Variants in UBA5 observed in about 807,000 individuals in gnomAD.
UBA5 encodes the protein ubiquitin like modifier activating enzyme 5.
UBA5 carries 28 observed loss-of-function variants against 52.9 expected under a neutral mutation model. The ratio of observed to expected loss-of-function variants is 0.53; its 90% CI spans 0.39 to 0.73. The LOEUF is 0.73. Among genes scored for constraint, UBA5 ranks in the 30% least tolerant of loss-of-function variants. The probability of loss-of-function intolerance (pLI) is 0.00; values close to 1 mark genes in which losing one functional copy is unlikely to be tolerated. For missense variants in UBA5, 388 were observed against 492.7 expected, an observed-to-expected ratio of 0.79 and a Z score of 2.01; for synonymous variants, 135 against 162.1, an observed-to-expected ratio of 0.83 and a Z score of 1.27.
Position 132,660,446 on chromosome 3 carries a change from C to G in UBA5, c.-92C>G. On this transcript the variant is annotated 5_prime_UTR_variant, in exon 1 of 12. Coordinates refer to ENST00000356232, the MANE Select transcript of UBA5 (RefSeq NM_024818.6). The surrounding 1 kb of genome is among the most constrained non-coding windows in gnomAD (Gnocchi z 4.1). ...AGGAAGGCAGCGGCGAGGTGCCTCC[C>G]CACGTACCCCTCGCGGGCCCAGCCG... 1 of 1,492,084 alleles carries G rather than the reference C, an allele frequency of 6.7e-7. No individual in the cohort carries two copies. Among genetic ancestry groups the G allele is most frequent in the Non-Finnish European group, 9.0e-7 (1 of 1,112,444 alleles). The allele number at this position is 1,492,084 out of a possible 1,614,324, so 92.4% of individuals were successfully genotyped here.
upstream of UBA5, among the ~76,000 whole-genome samples, chr3:132,658,907 T>C (rs907932516): frequency 1.3e-5 from 2 of 152,320 alleles, no homozygotes; most frequent in Admixed American, 1.3e-4. Context: ...AGTGTTTATG[T>C]AACATATTTA....
chr3:132,670,084 G>C, intron 4 of UBA5, 114 bp from the exon 5 acceptor site: 1 of 617,840 alleles, frequency 1.6e-6, no homozygotes, highest in South Asian at 2.0e-5. Context: ...GGTGCAGTGG[G>C]TGCGATGATA....
Position 132,676,498 on chromosome 3 carries a change from A to G in UBA5, c.1187A>G (p.Asp396Gly), listed in dbSNP as rs765529135. 2.5e-6 allele frequency: 4 copies of G among 1,610,658 alleles called. No homozygotes were observed. In the African/African-American group the frequency reaches 5.4e-5, roughly 22 times the overall value. ...TVEDSGESLE[D>G]LMAKMKNM ...GAAGATTCTGGTGAAAGCTTGGAAGACCTCATGGCCAAAATGAAGAATATG... is the reference window on the plus strand; with the variant it reads ...GAAGATTCTGGTGAAAGCTTGGAAGGCCTCATGGCCAAAATGAAGAATATG... Residue 396 changes from aspartate (D) to glycine (G), a missense_variant, in exon 12 of 12, where the codon GAC becomes GGC. Transcript: ENST00000356232. This position sits in a 1 kb window ranked among gnomAD's most constrained non-coding sequence, Gnocchi z 4.1.
At chr3:132,662,436 G>C (rs962782001) in intron 1 of UBA5, among the ~76,000 whole-genome samples, 2 of 152,170 alleles carry the variant, frequency 1.3e-5, no homozygotes, top group Non-Finnish European at 2.9e-5. Context: ...TACCAGATGA[G>C]TGTGAGATAA....
In UBA5 at chr3:132,672,101, C is replaced by A. The variant is rs540839115; in HGVS notation, c.736C>A (p.Arg246=). 29 of 1,613,834 alleles carry A rather than the reference C, an allele frequency of 1.8e-5. No individual in the cohort carries two copies. The Middle Eastern group carries it at 9.9e-4, about 55-fold the overall frequency. ...AAATATTGATGAAAAGACTCTGAAA[C>A]GAGAAGGTGTTTGTGCAGCCAGTCT... ...AANIDEKTLK[R]EGVCAASLPT... Residue 246 remains arginine (R), a synonymous_variant, in exon 8 of 12, where the codon CGA becomes AGA. Transcript: ENST00000356232.
chr3:132,660,886 T>G lies in UBA5; in HGVS notation c.161+188T>G. On this transcript the variant is annotated intron_variant, in intron 1 of 11. Transcript: ENST00000356232. This position sits in a 1 kb window ranked among gnomAD's most constrained non-coding sequence, Gnocchi z 4.1. ...ATCGGAAGATATTCTTTCTCTTTTTTAAAAACCTCCAGTGAGTCAGCCATA... is the reference window on the plus strand; with the variant it reads ...ATCGGAAGATATTCTTTCTCTTTTTGAAAAACCTCCAGTGAGTCAGCCATA... 6.9e-7 allele frequency: 1 copy of G among 1,443,190 alleles called. No homozygotes were observed. The highest frequency in any genetic ancestry group is 2.7e-5 in the Admixed American group (1 of 36,738). The allele number at this position is 1,443,190 out of a possible 1,614,324, so 89.4% of individuals were successfully genotyped here.
intron 1 of UBA5, among the ~76,000 whole-genome samples, chr3:132,662,001 T>A (rs1331333690): frequency 6.6e-6 from 1 of 152,212 alleles, no homozygotes; most frequent in African/African-American, 2.4e-5. Context: ...TAAAACATTT[T>A]AAAATTTTAC....
Position 132,660,756 on chromosome 3 carries a change from T to C in UBA5, c.161+58T>C. The stretch of plus-strand genomic sequence containing the variant: ...GGGGACGAGGTCAGGCTCCGTGAGG[T>C]CAGAAGTGAGGCGCTTCCCACGTCC... On this transcript the variant is annotated intron_variant, in intron 1 of 11. Coordinates refer to ENST00000356232, the MANE Select transcript of UBA5 (RefSeq NM_024818.6). This position sits in a 1 kb window ranked among gnomAD's most constrained non-coding sequence, Gnocchi z 4.1. The C allele has an allele frequency of 1.4e-6, 2 of 1,469,046 alleles. No individual in the cohort carries two copies. Among genetic ancestry groups the C allele is most frequent in the African/African-American group, 1.4e-5 (1 of 70,706 alleles). The allele number at this position is 1,469,046 out of a possible 1,614,324, so 91.0% of individuals were successfully genotyped here. A position where few individuals can be genotyped will look rare whatever the true frequency, so the allele number is the denominator to read the frequency against.
In UBA5 at chr3:132,672,477, T is replaced by C. The variant is rs369414789; in HGVS notation, c.812+300T>C. 3.3e-5 allele frequency among the ~76,000 whole-genome samples: 5 copies of C among 152,268 alleles called. No homozygotes were observed. In the East Asian group the frequency reaches 5.8e-4, roughly 18 times the overall value. On this transcript the variant is annotated intron_variant, in intron 8 of 11. Transcript: ENST00000356232. ...TGCATTTGGAATAGCTTTTATTAAATGATACAATGGTAGTGGCATATTTAT... is the reference window on the plus strand; with the variant it reads ...TGCATTTGGAATAGCTTTTATTAAACGATACAATGGTAGTGGCATATTTAT...
At chr3:132,659,829 C>A, upstream of UBA5, 1 of 1,484,782 alleles carries the variant, frequency 6.7e-7, no homozygotes, top group Non-Finnish European at 8.9e-7. Context: ...GGGCAACGTC[C>A]CCTCTAGAGC....
chr3:132,659,704 G>A (rs766635597), upstream of UBA5: 18 of 1,610,472 alleles, frequency 1.1e-5, no homozygotes, highest in Non-Finnish European at 1.4e-5. Flanking sequence ...ACTTGTGCTG[G>A]GGCAGCACTT....
chr3:132,668,969 T>C, intron 4 of UBA5, 42 bp downstream of exon 4: 1 of 1,308,444 alleles, frequency 7.6e-7, no homozygotes, highest in Non-Finnish European at 1.1e-6. Context: ...AGTGAAATCT[T>C]ACTTTATGTA....
intron 3 of UBA5, chr3:132,667,592 T>C (rs530240195): frequency 2.0e-5 from 3 of 152,324 alleles, no homozygotes; most frequent in Admixed American, 6.5e-5. Context: ...AAGTAGAAGA[T>C]GTTAGGAAAC....
chr3:132,675,865 C>T lies in UBA5; in HGVS notation c.1073C>T (p.Ser358Leu). 1 of 1,611,634 alleles carries T rather than the reference C, an allele frequency of 6.2e-7. No homozygotes were observed. The highest frequency in any genetic ancestry group is 2.2e-5 in the East Asian group (1 of 44,746). ...EVSEEELKNF[S>L]GPVPDLPEGI... ...TCAGAAGAGGAACTGAAAAATTTTT[C>T]AGGTCCAGTTCCAGACTTACCTGAA... Residue 358 changes from serine to leucine, a missense_variant, in exon 11 of 12, where the codon TCA becomes TTA. By Grantham distance (145) the Ser-to-Leu change is moderately radical (BLOSUM62 -2). Coordinates refer to ENST00000356232, the MANE Select transcript of UBA5 (RefSeq NM_024818.6).
At chr3:132,668,590 C>A in intron 3 of UBA5, 1 of 290,832 alleles carries the variant, frequency 3.4e-6, no homozygotes, top group South Asian at 8.1e-5. Context: ...AGATGAGTGG[C>A]CTTTGGACAA....
Position 132,679,187 on chromosome 3 carries a change from G to C in UBA5, c.*2661G>C, listed in dbSNP as rs1048966717. 1.3e-5 allele frequency among the ~76,000 whole-genome samples: 2 copies of C among 151,942 alleles called. No individual in the cohort carries two copies. Among genetic ancestry groups the C allele is most frequent in the Admixed American group, 6.5e-5 (1 of 15,268 alleles). ...GGAGGCTGAGGCAGGAGAATCGCTT[G>C]AACCTGGGAGGCAGAGGTTGCAGTG... is the stretch of plus-strand genomic sequence containing the variant. On this transcript the variant is annotated 3_prime_UTR_variant, in exon 12 of 12. Coordinates refer to ENST00000356232, the MANE Select transcript of UBA5 (RefSeq NM_024818.6).
intron 8 of UBA5, among the ~76,000 whole-genome samples, chr3:132,672,788 T>C (rs1938661553): frequency 6.6e-6 from 1 of 152,142 alleles, no homozygotes; most frequent in Non-Finnish European, 1.5e-5. Flanking sequence ...AAAACAAATA[T>C]CCAGCAACTG....
At chr3:132,665,660 T>G in intron 1 of UBA5, 163 bp from the exon 2 acceptor site, 2 of 634,302 alleles carry the variant, frequency 3.2e-6, no homozygotes, top group African/African-American at 3.7e-5. Context: ...GCCTGGGTAA[T>G]TTAGTTTCAT....
chr3:132,660,395 G>A lies in UBA5; in HGVS notation c.-143G>A, dbSNP rs1426896217. On this transcript the variant is annotated 5_prime_UTR_variant, in exon 1 of 12. Transcript: ENST00000356232. This position sits in a 1 kb window ranked among gnomAD's most constrained non-coding sequence, Gnocchi z 4.1. Reference sequence around the variant, plus strand: ...AGACGTGTCTGTCTGTGAGGCGCTGGGTGCACGTCCCCAGGGCTCTGGGCT... The same window carrying A: ...AGACGTGTCTGTCTGTGAGGCGCTGAGTGCACGTCCCCAGGGCTCTGGGCT... 1.9e-6 allele frequency: 2 copies of A among 1,053,348 alleles called. No homozygotes were observed. The highest frequency in any genetic ancestry group is 2.7e-6 in the Non-Finnish European group (2 of 743,774). The allele number at this position is 1,053,348 out of a possible 1,614,324, so 65.3% of individuals were successfully genotyped here.
Sources: allele counts gnomAD v4.1 joint callset (sites outside exome capture counted in the v4.1 genomes callset), GRCh38; gene constraint gnomAD v4.1.1; non-coding constraint Gnocchi (gnomAD v3.1); transcripts MANE v1.5; gene names NCBI Gene and HGNC (gene_info 2026-07-23, HGNC 2026-07-21).